MEIS2: variants seen among roughly 807,000 people sequenced by gnomAD.
The protein encoded by MEIS2 is homeobox protein Meis2.
In MEIS2, 9 loss-of-function variants were observed where a neutral mutation model predicts 58.6. The ratio of observed to expected loss-of-function variants is 0.15; its 90% CI spans 0.09 to 0.27. The LOEUF is 0.27. MEIS2 is among the 10% of genes least tolerant of loss of function. The pLI is 1.00. For missense variants in MEIS2, 427 were observed against 635.0 expected (o/e 0.67, Z 3.52); for synonymous variants, 221 against 228.4 (o/e 0.97, Z 0.29).
intron 8 of MEIS2, among the ~76,000 whole-genome samples, chr15:37,024,020 C>T (rs1026183585): frequency 4.6e-5 from 7 of 151,312 alleles, no homozygotes; most frequent in Admixed American, 1.3e-4. Flanking sequence ...AGCAATTCTC[C>T]GGCCTCAGCC....
chr15:36,991,989 G>A (rs1476465271), intron 8 of MEIS2, among the ~76,000 whole-genome samples: 5 of 150,474 alleles, frequency 3.3e-5, no homozygotes, highest in South Asian at 4.2e-4. Flanking sequence ...GGGTTTCACC[G>A]TTTTAGCCAG....
At chr15:37,016,833 A>T (rs1353463689) in intron 8 of MEIS2, among the ~76,000 whole-genome samples, 1 of 152,314 alleles carries the variant, frequency 6.6e-6, no homozygotes, top group Non-Finnish European at 1.5e-5. Flanking sequence ...TCAATGAAAC[A>T]CTGAAACAAA....
At chr15:36,956,114 T>G (rs1164843507) in intron 8 of MEIS2, among the ~76,000 whole-genome samples, 1 of 132,676 alleles carries the variant, frequency 7.5e-6, no homozygotes, top group East Asian at 2.1e-4. Context: ...GAGAATGGCG[T>G]GAACCCGGGA....
At chr15:37,051,629 TA>T (rs2062922865) in intron 7 of MEIS2, among the ~76,000 whole-genome samples, 1 of 152,194 alleles carries the variant, frequency 6.6e-6, no homozygotes, top group Admixed American at 6.5e-5. Flanking sequence ...TATACCTCAG[TA>T]AAGTTCATAA....
At chr15:36,919,556 A>C (rs2057412802) in intron 9 of MEIS2, among the ~76,000 whole-genome samples, 1 of 147,790 alleles carries the variant, frequency 6.8e-6, no homozygotes, top group African/African-American at 2.5e-5. Flanking sequence ...TAGCCTGGGC[A>C]ACAAGAGTGA....
chr15:37,093,917 T>C, intron 5 of MEIS2, 187 bp from the exon 6 acceptor site: 1 of 645,236 alleles, frequency 1.5e-6, no homozygotes, highest in South Asian at 2.2e-5. Context: ...AGAGTAATTG[T>C]TGCAGCAGAT....
chr15:37,084,227 G>A (rs1387338954), intron 6 of MEIS2, among the ~76,000 whole-genome samples: 3 of 151,852 alleles, frequency 2.0e-5, no homozygotes, highest in Admixed American at 2.0e-4. Flanking sequence ...AAATGTAAAA[G>A]TCATTTTTAC....
intron 8 of MEIS2, among the ~76,000 whole-genome samples, chr15:37,007,127 A>C (rs2060949817): frequency 6.6e-6 from 1 of 152,210 alleles, no homozygotes; most frequent in South Asian, 2.1e-4. Flanking sequence ...TCCAACTTTA[A>C]GGATGGGTCC....
At chr15:37,050,046 T>C (rs2062848811) in intron 7 of MEIS2, among the ~76,000 whole-genome samples, 1 of 152,212 alleles carries the variant, frequency 6.6e-6, no homozygotes, top group Non-Finnish European at 1.5e-5. Flanking sequence ...TACAAAGATA[T>C]GCATTATAGA....
chr15:37,052,540 A>C (rs12595026), intron 7 of MEIS2, among the ~76,000 whole-genome samples: 2 of 151,970 alleles, frequency 1.3e-5, no homozygotes, highest in African/African-American at 2.4e-5. Context: ...GGGTGGGTGA[A>C]AGGTGGGGCA....
chr15:36,925,860 C>T (rs1400784120), intron 9 of MEIS2, among the ~76,000 whole-genome samples: 1 of 152,170 alleles, frequency 6.6e-6, no homozygotes, highest in Non-Finnish European at 1.5e-5. Flanking sequence ...TGCTCATTAA[C>T]AAACAATACT....
intron 8 of MEIS2, among the ~76,000 whole-genome samples, chr15:36,988,223 C>T (rs74008823): frequency 0.012 from 1,803 of 152,240 alleles, 40 homozygotes; most frequent in African/African-American, 0.04. Flanking sequence ...ATATGTGTAT[C>T]AAAACATCAT....
chr15:36,913,594 A>G (rs1390490569), intron 9 of MEIS2, among the ~76,000 whole-genome samples: 1 of 152,240 alleles, frequency 6.6e-6, no homozygotes, highest in Non-Finnish European at 1.5e-5. Flanking sequence ...AGTAAAAAAA[A>G]TAATTTTAAA....
intron 7 of MEIS2, among the ~76,000 whole-genome samples, chr15:37,060,065 A>G (rs1257589009): frequency 6.6e-6 from 1 of 152,228 alleles, no homozygotes; most frequent in South Asian, 2.1e-4. Context: ...CAGCCTCTCA[A>G]GTAACTAGGG....
chr15:37,015,309 A>C (rs2061311402), intron 8 of MEIS2, among the ~76,000 whole-genome samples: 2 of 152,240 alleles, frequency 1.3e-5, no homozygotes, highest in Admixed American at 6.5e-5. Flanking sequence ...GGCAGTGATT[A>C]TGCGGGTTGC....
Position 37,083,970 on chromosome 15 carries a change from CA to C in MEIS2, c.640-86del, listed in dbSNP as rs570387441. The C allele has an allele frequency of 1.3e-3, 1,488 of 1,109,732 alleles. 14 individuals carry two copies. In the African/African-American group the frequency reaches 0.02, roughly 15 times the overall value. 68.7% of individuals were successfully genotyped at this position (1,109,732 alleles called of 1,614,324 possible). A position where few individuals can be genotyped will look rare whatever the true frequency, so the allele number is the denominator to read the frequency against. ...CCAAAAGGAACGGCACAGAAAGAGA[CA>C]AAAAAATGTATACATATTAGTATTT... On this transcript the variant is annotated intron_variant, in intron 6 of 11. Coordinates refer to ENST00000561208, the MANE Select transcript of MEIS2 (RefSeq NM_170675.5).
At position 36,892,094 on chromosome 15, in the gene MEIS2, G is replaced by A. The variant is rs1490066417; in HGVS notation, c.*79C>T. The A allele has an allele frequency of 2.1e-6, 3 of 1,416,212 alleles. No individual in the cohort carries two copies. The Admixed American group carries it at 5.6e-5, about 26-fold the overall frequency. 87.7% of individuals were successfully genotyped at this position (1,416,212 alleles called of 1,614,324 possible). ...ACAGCTGTCTGGAATTTCATATTAA[G>A]TGTCAACATCTGGTCAAAGTTCAGA... On this transcript the variant is annotated 3_prime_UTR_variant, in exon 12 of 12. Transcript: ENST00000561208.
Position 37,098,633 on chromosome 15 carries a change from C to T in MEIS2, c.13-434G>A, listed in dbSNP as rs573141717. On this transcript the variant is annotated intron_variant, in intron 1 of 11. Transcript: ENST00000561208. The stretch of plus-strand genomic sequence containing the variant: ...GGGGATTTGAGGGGGCGCCGGGAGG[C>T]CCCGCTCCCGCCGGAGGCAACAGAA... 501 of 194,804 alleles carry T rather than the reference C, an allele frequency of 2.6e-3. 1 individual carries two copies. Among genetic ancestry groups the T allele is most frequent in the Non-Finnish European group, 2.8e-3 (295 of 105,406 alleles). 12.1% of individuals were successfully genotyped at this position (194,804 alleles called of 1,614,324 possible). A position where few individuals can be genotyped will look rare whatever the true frequency, so the allele number is the denominator to read the frequency against.
chr15:37,098,361 A>T, intron 1 of MEIS2, 162 bp from the exon 2 acceptor site: 1 of 727,826 alleles, frequency 1.4e-6, no homozygotes. Flanking sequence ...GAGGAGGAGG[A>T]GGAAAAGGAG....
Sources: gnomAD v4.1 joint callset for allele counts (sites outside exome capture counted in the v4.1 genomes callset) on GRCh38, gnomAD v4.1.1 for gene constraint, MANE v1.5 for transcripts, NCBI Gene and HGNC (gene_info 2026-07-23, HGNC 2026-07-21) for gene names.